P3H2: variants seen among roughly 807,000 people sequenced by gnomAD.
P3H2 encodes leprecan-like 1.
P3H2 carries 80 observed loss-of-function variants against 87.0 expected under a neutral mutation model. The ratio of observed to expected loss-of-function variants is 0.92; its 90% CI spans 0.77 to 1.11. P3H2 has a LOEUF of 1.11. P3H2 is among the 50% of genes least tolerant of loss of function. The pLI, the probability that P3H2 is intolerant of heterozygous loss-of-function variation, is 0.00. For missense variants in P3H2, 1,001 were observed against 923.9 expected (o/e 1.08, Z -1.08); for synonymous variants, 367 against 359.3 (o/e 1.02, Z -0.24).
chr3:190,041,858 A>C lies in P3H2; in HGVS notation c.481-46416T>G, dbSNP rs1277385399. The stretch of plus-strand genomic sequence containing the variant: ...GTCATGGGAAGTTCAACTTAAAAAA[A>C]ATTTTAACATACAAAAAAGCATATG... On this transcript the variant is annotated intron_variant, in intron 1 of 14. Coordinates refer to ENST00000319332, the MANE Select transcript of P3H2 (RefSeq NM_018192.4). Among the ~76,000 whole-genome samples the C allele has an allele frequency of 4.6e-5, 7 of 152,362 alleles. No individual in the cohort carries two copies. The South Asian group carries it at 1.0e-3, about 23-fold the overall frequency.
intron 7 of P3H2, chr3:189,983,375 A>C (rs1023911870): frequency 3.0e-5 from 16 of 534,782 alleles, no homozygotes; most frequent in Non-Finnish European, 4.7e-5. Context: ...TATTACAATT[A>C]ATTGTATGCA....
At chr3:189,961,161 G>A (rs187281716) in intron 14 of P3H2, among the ~76,000 whole-genome samples, 5 of 151,960 alleles carry the variant, frequency 3.3e-5, no homozygotes, top group African/African-American at 1.2e-4. Context: ...GGCTGGTTTC[G>A]AACCCCTGAC....
chr3:190,041,037 TACAC>T (rs1202716732), intron 1 of P3H2, among the ~76,000 whole-genome samples: 861 of 49,250 alleles, frequency 0.017, 53 homozygotes, highest in African/African-American at 0.035. Flanking sequence ...TATATATATA[TACAC>T]ACACACACAC....
At chr3:190,058,507 A>G (rs1472079496) in intron 1 of P3H2, among the ~76,000 whole-genome samples, 1 of 152,232 alleles carries the variant, frequency 6.6e-6, no homozygotes, top group African/African-American at 2.4e-5. Context: ...AAATGGTCCC[A>G]GGAATGCTGG....
chr3:190,019,255 G>A (rs1442681432), intron 1 of P3H2, among the ~76,000 whole-genome samples: 1 of 152,116 alleles, frequency 6.6e-6, no homozygotes, highest in East Asian at 1.9e-4. Context: ...TAAGGATGCT[G>A]ATGTTATTTT....
chr3:189,974,082 A>G, intron 9 of P3H2, 78 bp from the exon 10 acceptor site: 1 of 1,178,200 alleles, frequency 8.5e-7, no homozygotes, highest in Non-Finnish European at 1.3e-6. Flanking sequence ...TGGCTGCCAG[A>G]AAGCTGAGAA....
intron 1 of P3H2, among the ~76,000 whole-genome samples, chr3:190,020,992 G>A (rs1724913901): frequency 7.5e-6 from 1 of 134,108 alleles, no homozygotes; most frequent in African/African-American, 2.6e-5. Flanking sequence ...ACTCAAAAAG[G>A]CAAAATAATG....
At chr3:190,054,229 T>C (rs1726080332) in intron 1 of P3H2, among the ~76,000 whole-genome samples, 2 of 152,214 alleles carry the variant, frequency 1.3e-5, no homozygotes, top group African/African-American at 2.4e-5. Context: ...GTTTAGGAAA[T>C]GAAAGATTCT....
At chr3:190,035,728 A>C (rs1180442751) in intron 1 of P3H2, among the ~76,000 whole-genome samples, 1 of 152,228 alleles carries the variant, frequency 6.6e-6, no homozygotes, top group African/African-American at 2.4e-5. Context: ...AACTCAAAAT[A>C]ATCTCCATTT....
intron 1 of P3H2, among the ~76,000 whole-genome samples, chr3:190,088,445 C>T (rs1478822598): frequency 6.6e-6 from 1 of 151,578 alleles, no homozygotes; most frequent in Non-Finnish European, 1.5e-5. Context: ...CCTGTGTTCC[C>T]TTTCACTACA....
intron 1 of P3H2, among the ~76,000 whole-genome samples, chr3:190,002,007 C>T (rs1724231829): frequency 6.6e-6 from 1 of 152,090 alleles, no homozygotes; most frequent in Admixed American, 6.5e-5. Context: ...CTGTAAATTA[C>T]AGTATTTAAA....
chr3:189,990,385 A>G (rs1267793588), intron 3 of P3H2, among the ~76,000 whole-genome samples: 1 of 152,192 alleles, frequency 6.6e-6, no homozygotes, highest in African/African-American at 2.4e-5. Context: ...TCTCCTACTC[A>G]ACTTACCATT....
intron 1 of P3H2, among the ~76,000 whole-genome samples, chr3:190,090,113 C>A (rs1032460220): frequency 1.3e-5 from 2 of 152,150 alleles, no homozygotes; most frequent in African/African-American, 4.8e-5. Context: ...TTCCTCTGTG[C>A]CCCAACAGAC....
chr3:190,119,180 A>AGGAGAGGAGAGGAGG (rs1560025881), intron 1 of P3H2, among the ~76,000 whole-genome samples: 22 of 51,918 alleles, frequency 4.2e-4, no homozygotes, highest in East Asian at 8.5e-4. Flanking sequence ...GGGAGAGGAG[A>AGGAGAGGAGAGGAGG]GGAGAGGAGA....
chr3:190,018,524 A>G lies in P3H2; in HGVS notation c.481-23082T>C, dbSNP rs116169488. ...GCAGTTTGAGACCAGCTTGGGCAAC[A>G]TAGCAAGACCACTGTCTCTATAAAA... On this transcript the variant is annotated intron_variant, in intron 1 of 14. Transcript: ENST00000319332. 5.4e-3 allele frequency among the ~76,000 whole-genome samples: 816 copies of G among 152,194 alleles called. 7 individuals carry two copies. Among genetic ancestry groups the G allele is most frequent in the African/African-American group, 0.019 (787 of 41,528 alleles).
rs147618716 is a variant in P3H2, at chr3:190,112,986, C to T, written c.480+7266G>A. Among the ~76,000 whole-genome samples, 404 of 152,138 alleles carry T rather than the reference C, an allele frequency of 2.7e-3. 1 individual carries two copies. The highest frequency in any genetic ancestry group is 9.2e-3 in the African/African-American group (380 of 41,510). On this transcript the variant is annotated intron_variant, in intron 1 of 14. Coordinates refer to ENST00000319332, the MANE Select transcript of P3H2 (RefSeq NM_018192.4). ...CTAATGAGAAATGCAACATTTTCCA[C>T]CAGACAACTGTGACTCTTGGCTGAA...
chr3:189,985,810 C>A (rs999837517), intron 6 of P3H2, among the ~76,000 whole-genome samples: 3 of 151,868 alleles, frequency 2.0e-5, no homozygotes, highest in Non-Finnish European at 4.4e-5. Context: ...TTCAAATGTT[C>A]AGCAGAAGAG....
chr3:190,120,971 C>T (rs898002569), upstream of P3H2: 14 of 535,198 alleles, frequency 2.6e-5, no homozygotes, highest in Non-Finnish European at 4.0e-5. Context: ...CCTGAGACTC[C>T]GAGAGCCGCT....
intron 1 of P3H2, among the ~76,000 whole-genome samples, chr3:189,997,571 T>C (rs570837480): frequency 6.6e-6 from 1 of 152,312 alleles, no homozygotes; most frequent in East Asian, 1.9e-4. Context: ...TAATCAACTC[T>C]TAACACAAAA....
Sources: allele counts gnomAD v4.1 joint callset (sites outside exome capture counted in the v4.1 genomes callset), GRCh38; gene constraint gnomAD v4.1.1; transcripts MANE v1.5; gene names NCBI Gene and HGNC (gene_info 2026-07-23, HGNC 2026-07-21).